Variants in EXOC4 observed in about 807,000 individuals in gnomAD.
EXOC4 encodes the protein exocyst complex component 4, also known as SEC8-like 1.
Under a neutral mutation model 107.2 loss-of-function variants are expected in EXOC4, and 71 were observed. The observed-to-expected ratio is 0.66, with a 90% CI of 0.55 to 0.81. The LOEUF is 0.81. Ranked by LOEUF, EXOC4 falls within the 30% of genes least tolerant of loss-of-function variation. EXOC4 has a pLI of 0.00. For missense variants in EXOC4, 1,108 were observed against 1,189.6 expected (o/e 0.93, Z 1.01); for synonymous variants, 456 against 441.2 (o/e 1.03, Z -0.42).
At chr7:134,072,923 G>T in the EXOC4 span, among the ~76,000 whole-genome samples, 1 of 150,994 alleles carries the variant, frequency 6.6e-6, no homozygotes, top group Non-Finnish European at 1.5e-5. Context: ...GCCCAGGCTA[G>T]GCTGGGCATG....
chr7:133,384,633 A>C (rs909996936), intron 7 of EXOC4, among the ~76,000 whole-genome samples: 5 of 151,886 alleles, frequency 3.3e-5, no homozygotes, highest in African/African-American at 9.7e-5. Context: ...AGCTACTGGC[A>C]TGACCTTCAC....
At chr7:133,330,952 T>A (rs1184047946) in intron 5 of EXOC4, among the ~76,000 whole-genome samples, 10 of 151,672 alleles carry the variant, frequency 6.6e-5, no homozygotes, top group East Asian at 3.8e-4. Flanking sequence ...TTTTTTTTTT[T>A]AAATAATAGT....
intron 5 of EXOC4, among the ~76,000 whole-genome samples, chr7:133,321,428 C>G (rs947134040): frequency 6.6e-6 from 1 of 152,116 alleles, no homozygotes; most frequent in African/African-American, 2.4e-5. Flanking sequence ...CTAGCCCCGC[C>G]CTGACCGAAA....
intron 5 of EXOC4, among the ~76,000 whole-genome samples, chr7:133,332,756 G>A (rs960988150): frequency 6.6e-6 from 1 of 151,980 alleles, no homozygotes; most frequent in Non-Finnish European, 1.5e-5. Context: ...TTTAATTTTT[G>A]CATAGCTGGG....
chr7:133,971,361 T>TATATATATATATATATAGAG (rs1489958236), intron 14 of EXOC4, among the ~76,000 whole-genome samples: 6 of 75,072 alleles, frequency 8.0e-5, no homozygotes, highest in Non-Finnish European at 1.2e-4. Context: ...TATATATATA[T>TATATATATATATATATAGAG]AGAGAGAGAG....
At chr7:133,897,325 C>T (rs1337653609) in intron 12 of EXOC4, among the ~76,000 whole-genome samples, 29 of 152,060 alleles carry the variant, frequency 1.9e-4, no homozygotes, top group Non-Finnish European at 1.5e-5. Flanking sequence ...TTTATCAAAA[C>T]TTATATTTAG....
intron 9 of EXOC4, among the ~76,000 whole-genome samples, chr7:133,603,154 G>T (rs1335120091): frequency 6.6e-6 from 1 of 151,888 alleles, no homozygotes; most frequent in African/African-American, 2.4e-5. Flanking sequence ...TTTTACCTTG[G>T]AAATTCTAGA....
intron 9 of EXOC4, among the ~76,000 whole-genome samples, chr7:133,505,333 A>G (rs1441686621): frequency 6.6e-6 from 1 of 151,974 alleles, no homozygotes; most frequent in African/African-American, 2.4e-5. Flanking sequence ...TGATAACTGT[A>G]CCTTTGTCTC....
intron 17 of EXOC4, among the ~76,000 whole-genome samples, chr7:134,045,880 CT>C (rs763871753): frequency 6.2e-4 from 94 of 152,238 alleles, no homozygotes; most frequent in Non-Finnish European, 1.1e-3. Flanking sequence ...AATATTTAGT[CT>C]TTTGCGGCTA....
At chr7:133,830,321 C>A (rs938522321) in intron 11 of EXOC4, among the ~76,000 whole-genome samples, 4 of 152,230 alleles carry the variant, frequency 2.6e-5, no homozygotes, top group Admixed American at 2.0e-4. Context: ...GCTTCTGACG[C>A]TTTACCAGAG....
In EXOC4 at chr7:133,958,950, C is replaced by T. The variant is rs991077367; in HGVS notation, c.2206+20881C>T. On this transcript the variant is annotated intron_variant, in intron 14 of 17. Coordinates refer to ENST00000253861, the MANE Select transcript of EXOC4 (RefSeq NM_021807.4). ...GTTCTTTTTCCTATTGGCTGGCATC[C>T]AGGAATATAACTTCAGACAAAAGAC... Among the ~76,000 whole-genome samples, 35 of 152,286 alleles carry T rather than the reference C, an allele frequency of 2.3e-4. No individual in the cohort carries two copies. The East Asian group carries it at 2.3e-3, about 10-fold the overall frequency.
At chr7:133,488,973 T>G (rs1799321017) in intron 9 of EXOC4, among the ~76,000 whole-genome samples, 1 of 148,222 alleles carries the variant, frequency 6.7e-6, no homozygotes, top group South Asian at 2.1e-4. Context: ...ATCTAATATC[T>G]TACACATGTA....
At chr7:133,856,259 T>G (rs1359650487) in intron 11 of EXOC4, among the ~76,000 whole-genome samples, 1 of 152,204 alleles carries the variant, frequency 6.6e-6, no homozygotes, top group Non-Finnish European at 1.5e-5. Context: ...ATCAGTAATG[T>G]GTTTAAAAGA....
In EXOC4 at chr7:133,437,439, T is replaced by A. The variant is rs145547029; in HGVS notation, c.1183-37889T>A. 6.4e-3 allele frequency among the ~76,000 whole-genome samples: 968 copies of A among 152,314 alleles called. 12 individuals are homozygous for A. The highest frequency in any genetic ancestry group is 0.022 in the African/African-American group (923 of 41,568). ...CATTTTCGATTATCTGGTGATCACT[T>A]ACTATTTGCTCTAAACTTCAGACTA... On this transcript the variant is annotated intron_variant, in intron 7 of 17. Coordinates refer to ENST00000253861, the MANE Select transcript of EXOC4 (RefSeq NM_021807.4).
At chr7:133,918,068 C>T (rs1344048627) in intron 13 of EXOC4, among the ~76,000 whole-genome samples, 1 of 151,808 alleles carries the variant, frequency 6.6e-6, no homozygotes, top group Non-Finnish European at 1.5e-5. Context: ...CTGCAAACTC[C>T]ACCTCCTGGG....
chr7:133,648,584 G>A (rs547758946), intron 10 of EXOC4, among the ~76,000 whole-genome samples: 13 of 152,254 alleles, frequency 8.5e-5, no homozygotes, highest in South Asian at 6.2e-4. Flanking sequence ...GATATAGTGC[G>A]TGCCATAAAA....
intron 9 of EXOC4, among the ~76,000 whole-genome samples, chr7:133,563,970 A>G (rs58421744): frequency 0.1 from 15,450 of 152,186 alleles, 895 homozygotes; most frequent in East Asian, 0.2. Flanking sequence ...AGATAAAGGA[A>G]GGGCTGAGAA....
chr7:133,600,169 T>C (rs897083006), intron 9 of EXOC4, among the ~76,000 whole-genome samples: 13 of 152,174 alleles, frequency 8.5e-5, no homozygotes, highest in African/African-American at 3.1e-4. Context: ...CCCGAAGTGC[T>C]GAGATAAGTC....
At chr7:133,981,158 A>G (rs1469781345) in intron 14 of EXOC4, among the ~76,000 whole-genome samples, 6 of 152,300 alleles carry the variant, frequency 3.9e-5, no homozygotes, top group Non-Finnish European at 7.3e-5. Flanking sequence ...GCCCCCACCA[A>G]TTACACAGCT....
Sources: gnomAD v4.1 joint callset for allele counts (sites outside exome capture counted in the v4.1 genomes callset) on GRCh38, gnomAD v4.1.1 for gene constraint, MANE v1.5 for transcripts, NCBI Gene and HGNC (gene_info 2026-07-23, HGNC 2026-07-21) for gene names.